Variants in PRR33 observed in about 807,000 individuals in gnomAD.
PRR33 encodes proline-rich protein 33.
A neutral mutation model predicts 0.5 loss-of-function variants in PRR33; 1 was observed. That is an observed-to-expected ratio of 2.18 (90% CI 0.77 to 10.34). The LOEUF (loss-of-function observed/expected upper bound fraction) is 10.34. Ranked by LOEUF, PRR33 falls within the 30% of genes most tolerant of loss-of-function variation. The probability of loss-of-function intolerance (pLI) is 0.13; values close to 1 mark genes in which losing one functional copy is unlikely to be tolerated. For missense variants in PRR33, 552 were observed against 251.8 expected (o/e 2.19, Z -8.07); for synonymous variants, 226 against 110.0 (o/e 2.06, Z -6.60).
chr11:1,914,657 G>A, the PRR33 span, among the ~76,000 whole-genome samples: 5 of 147,404 alleles, frequency 3.4e-5, no homozygotes. Context: ...GTTGTGGGGT[G>A]TACAAACCTG....
the PRR33 span, among the ~76,000 whole-genome samples, chr11:1,912,553 T>G: frequency 2.0e-5 from 3 of 152,236 alleles, no homozygotes; most frequent in Non-Finnish European, 4.4e-5. Flanking sequence ...TCTACTAATT[T>G]TTTTGCCAGA....
the PRR33 span, among the ~76,000 whole-genome samples, chr11:1,910,717 T>G: frequency 6.6e-6 from 1 of 152,250 alleles, no homozygotes; most frequent in Non-Finnish European, 1.5e-5. Context: ...TGGTGCATTC[T>G]TAACGCTATC....
At chr11:1,912,448 G>C in the PRR33 span, among the ~76,000 whole-genome samples, 4 of 152,080 alleles carry the variant, frequency 2.6e-5, no homozygotes, top group African/African-American at 9.7e-5. Context: ...TCATAAAGTT[G>C]TTTATGGGAT....
exon 1 of PRR33, chr11:1,889,945 G>A (rs1215286857): frequency 2.4e-5 from 15 of 630,300 alleles, no homozygotes; most frequent in South Asian, 1.1e-4. Flanking sequence ...GGGGGACTTG[G>A]GGTGGCATCT....
chr11:1,890,374 C>T (rs922873273), exon 1 of PRR33: 2 of 716,772 alleles, frequency 2.8e-6, no homozygotes, highest in Non-Finnish European at 5.2e-6. Flanking sequence ...TGGCTGGCCT[C>T]ACTCACGGGG....
At chr11:1,889,169 T>C in exon 1 of PRR33, 1 of 672,868 alleles carries the variant, frequency 1.5e-6, no homozygotes, top group Non-Finnish European at 2.8e-6. Flanking sequence ...AGCCAGTCGC[T>C]GTGCGGTTGA....
chr11:1,900,245 G>GT, the PRR33 span, among the ~76,000 whole-genome samples: 11 of 152,086 alleles, frequency 7.2e-5, no homozygotes, highest in Middle Eastern at 3.2e-3. Context: ...GCATAGCACT[G>GT]TTTATTAGAA....
upstream of PRR33, among the ~76,000 whole-genome samples, chr11:1,896,467 A>G (rs562458102): frequency 7.2e-4 from 109 of 152,382 alleles, no homozygotes; most frequent in Admixed American, 2.5e-3. Flanking sequence ...TTATAGAAAC[A>G]CAATGGACTT....
exon 1 of PRR33, chr11:1,890,777 G>A (rs962886095): frequency 8.4e-6 from 5 of 596,814 alleles, no homozygotes; most frequent in Non-Finnish European, 1.5e-5. Flanking sequence ...ACTTTGGGGT[G>A]GCCCCACCAT....
At chr11:1,910,889 C>T in the PRR33 span, among the ~76,000 whole-genome samples, 9 of 152,214 alleles carry the variant, frequency 5.9e-5, no homozygotes, top group Admixed American at 5.2e-4. Flanking sequence ...CTGTCACCTC[C>T]TCTCGCCCAT....
At position 1,889,338 on chromosome 11, in the gene PRR33, C is replaced by A. The variant is rs2090868; in HGVS notation, c.1247G>T (p.Arg416Leu). ...CTCCCCACCGCTGGGCCCTGCCAGG[C>A]GCCCTTGGGCCTCCGCCACTGACAT... is the stretch of plus-strand genomic sequence containing the variant. The change falls in exon 1 of 1, where the codon CGC becomes CTC. Residue 416 changes from arginine to leucine, a missense_variant. Coordinates refer to ENST00000640310, the Ensembl canonical transcript of PRR33. The A allele has an allele frequency of 8.5e-4, 603 of 711,004 alleles. 1 individual carries two copies. Among genetic ancestry groups the A allele is most frequent in the East Asian group, 7.6e-3 (284 of 37,164 alleles). 44.0% of individuals were successfully genotyped at this position (711,004 alleles called of 1,614,324 possible).
the PRR33 span, among the ~76,000 whole-genome samples, chr11:1,903,665 G>A: frequency 3.9e-4 from 60 of 152,226 alleles, no homozygotes; most frequent in Non-Finnish European, 1.2e-4. Context: ...CATCTGCCGC[G>A]TCCGGGACCT....
chr11:1,907,521 C>T, the PRR33 span, among the ~76,000 whole-genome samples: 1 of 152,190 alleles, frequency 6.6e-6, no homozygotes, highest in African/African-American at 2.4e-5. Context: ...AAGTGATTCT[C>T]CTGCCTAAGC....
the PRR33 span, among the ~76,000 whole-genome samples, chr11:1,914,561 T>C: frequency 1.4e-5 from 2 of 146,948 alleles, 1 homozygote; most frequent in South Asian, 4.4e-4. Context: ...TTGTAGGGTA[T>C]ATACACCTGG....
the PRR33 span, among the ~76,000 whole-genome samples, chr11:1,898,932 C>A: frequency 1.3e-5 from 2 of 152,020 alleles, no homozygotes; most frequent in African/African-American, 4.8e-5. Context: ...ACCTGGGAGG[C>A]AAAGGTTGCT....
exon 1 of PRR33, chr11:1,889,452 G>C: frequency 3.1e-6 from 2 of 643,966 alleles, no homozygotes. Flanking sequence ...CTCTGTGGGG[G>C]CAGGCACCTC....
exon 1 of PRR33, chr11:1,889,819 C>G: frequency 1.6e-6 from 1 of 636,494 alleles, no homozygotes; most frequent in Non-Finnish European, 2.9e-6. Context: ...GGCACTGAGG[C>G]CTGGAAGCCG....
chr11:1,890,617 A>G (rs1000020674), exon 1 of PRR33: 2 of 689,810 alleles, frequency 2.9e-6, no homozygotes, highest in African/African-American at 1.8e-5. Flanking sequence ...GACAGTGGTC[A>G]GGCCAGCCCT....
At chr11:1,895,694 T>C (rs1849116155), upstream of PRR33, among the ~76,000 whole-genome samples, 1 of 152,238 alleles carries the variant, frequency 6.6e-6, no homozygotes, top group South Asian at 2.1e-4. Context: ...CGATCCTTTT[T>C]GAGTTAATGT....
Sources: gnomAD v4.1 joint callset for allele counts (sites outside exome capture counted in the v4.1 genomes callset) on GRCh38, gnomAD v4.1.1 for gene constraint, MANE v1.5 for transcripts, NCBI Gene and HGNC (gene_info 2026-07-23, HGNC 2026-07-21) for gene names.